Variants in NRG1 observed in about 807,000 individuals in gnomAD.
NRG1 encodes neuregulin 1.
Under a neutral mutation model 63.8 loss-of-function variants are expected in NRG1, and 18 were observed. That is an observed-to-expected ratio of 0.28 (90% CI 0.19 to 0.42). The LOEUF (loss-of-function observed/expected upper bound fraction) is 0.42, where lower values mean the gene tolerates loss of function less well. Among genes scored for constraint, NRG1 ranks in the 10% least tolerant of loss-of-function variants. NRG1 has a pLI of 1.00. For missense variants in NRG1, 762 were observed against 814.7 expected, an observed-to-expected ratio of 0.94 and a Z score of 0.79; for synonymous variants, 302 against 301.3, an observed-to-expected ratio of 1.00 and a Z score of -0.02.
intron 1 of NRG1, among the ~76,000 whole-genome samples, chr8:32,292,249 T>C (rs1379615212): frequency 6.6e-6 from 1 of 152,192 alleles, no homozygotes; most frequent in African/African-American, 2.4e-5. Flanking sequence ...TTCAATCCTT[T>C]CAAAAGGCTT....
intron 1 of NRG1, among the ~76,000 whole-genome samples, chr8:31,835,046 G>C (rs1318574937): frequency 6.6e-6 from 1 of 152,136 alleles, no homozygotes; most frequent in Non-Finnish European, 1.5e-5. Context: ...AGTTAATACT[G>C]ATGCCATGAG....
At chr8:32,008,884 G>A (rs577466164) in intron 1 of NRG1, among the ~76,000 whole-genome samples, 1 of 152,130 alleles carries the variant, frequency 6.6e-6, no homozygotes, top group South Asian at 2.1e-4. Flanking sequence ...CTGTCATAAT[G>A]TCAGAGAAGC....
chr8:32,546,279 A>G (rs527495839), upstream of NRG1, among the ~76,000 whole-genome samples: 1 of 151,544 alleles, frequency 6.6e-6, no homozygotes, highest in Admixed American at 6.6e-5. Flanking sequence ...CAGAATTACA[A>G]CATTTCCATA....
intron 1 of NRG1, among the ~76,000 whole-genome samples, chr8:32,446,299 G>A (rs1820237604): frequency 1.3e-5 from 2 of 152,134 alleles, no homozygotes; most frequent in Middle Eastern, 3.4e-3. Context: ...TTTTCATTAC[G>A]CTTGTGGATT....
chr8:32,091,312 AT>A (rs1446063696), intron 1 of NRG1, among the ~76,000 whole-genome samples: 1 of 151,568 alleles, frequency 6.6e-6, no homozygotes, highest in Admixed American at 6.6e-5. Flanking sequence ...GGATGAGGTG[AT>A]TTATGTAATT....
chr8:31,878,898 T>C (rs1467309601), intron 1 of NRG1, among the ~76,000 whole-genome samples: 2 of 152,002 alleles, frequency 1.3e-5, no homozygotes, highest in Non-Finnish European at 2.9e-5. Context: ...TATAATCTTA[T>C]GTAATGTCAT....
chr8:31,885,414 T>C (rs1433625403), intron 1 of NRG1, among the ~76,000 whole-genome samples: 4 of 152,070 alleles, frequency 2.6e-5, no homozygotes, highest in Non-Finnish European at 5.9e-5. Context: ...TTAGAATCAC[T>C]GTTGAAAGAA....
At chr8:31,671,040 A>C (rs1028701914) in intron 1 of NRG1, among the ~76,000 whole-genome samples, 1 of 152,182 alleles carries the variant, frequency 6.6e-6, no homozygotes, top group Admixed American at 6.5e-5. Flanking sequence ...TCCCACTTAT[A>C]AGTGAGAACA....
intron 1 of NRG1, among the ~76,000 whole-genome samples, chr8:32,252,500 G>T (rs570879922): frequency 6.6e-6 from 1 of 152,128 alleles, no homozygotes; most frequent in Admixed American, 6.5e-5. Context: ...AAATCAGATA[G>T]TTGTAGATGT....
chr8:32,722,068 T>A (rs1456871787), intron 5 of NRG1: 1 of 1,495,176 alleles, frequency 6.7e-7, no homozygotes, highest in Non-Finnish European at 9.1e-7. Flanking sequence ...ATCTGTAATT[T>A]TGTAGTGACT....
At chr8:32,755,629 G>A (rs985035667) in intron 8 of NRG1, among the ~76,000 whole-genome samples, 15 of 152,092 alleles carry the variant, frequency 9.9e-5, no homozygotes, top group African/African-American at 2.2e-4. Context: ...ACATTCTCAC[G>A]CGTATACATG....
intron 1 of NRG1, among the ~76,000 whole-genome samples, chr8:31,743,409 T>C (rs181436008): frequency 1.3e-5 from 2 of 152,136 alleles, no homozygotes; most frequent in African/African-American, 2.4e-5. Context: ...ATAAGAACTA[T>C]ATAATAGTTA....
intron 1 of NRG1, among the ~76,000 whole-genome samples, chr8:32,197,141 A>C (rs1240973073): frequency 1.3e-5 from 2 of 151,112 alleles, no homozygotes; most frequent in Non-Finnish European, 3.0e-5. Context: ...TGTATTTTTT[A>C]GTACAAAATG....
At chr8:32,700,748 T>C (rs796247369) in intron 5 of NRG1, among the ~76,000 whole-genome samples, 4 of 152,368 alleles carry the variant, frequency 2.6e-5, no homozygotes, top group African/African-American at 9.6e-5. Context: ...TAAGATAGTA[T>C]ATGTAATTCA....
chr8:32,161,165 T>A (rs1838784579), intron 1 of NRG1, among the ~76,000 whole-genome samples: 1 of 152,184 alleles, frequency 6.6e-6, no homozygotes, highest in Admixed American at 6.5e-5. Flanking sequence ...TTAAGCATTG[T>A]TTTCTTAGAA....
At chr8:32,752,640 A>T (rs2129051028) in intron 7 of NRG1, among the ~76,000 whole-genome samples, 1 of 152,214 alleles carries the variant, frequency 6.6e-6, no homozygotes, top group Admixed American at 6.5e-5. Context: ...AGTATCAGGC[A>T]TGCTGTGCCA....
intron 1 of NRG1, among the ~76,000 whole-genome samples, chr8:31,854,997 T>C (rs1248327503): frequency 1.3e-5 from 2 of 152,206 alleles, no homozygotes; most frequent in Non-Finnish European, 2.9e-5. Context: ...TAATTTCTGT[T>C]CTTTTACATT....
intron 1 of NRG1, among the ~76,000 whole-genome samples, chr8:31,739,080 C>T (rs1814994218): frequency 6.6e-6 from 1 of 152,072 alleles, no homozygotes; most frequent in African/African-American, 2.4e-5. Context: ...ACGTAAGATG[C>T]ACCAACATAG....
At chr8:31,941,688 G>A (rs1801774959) in intron 1 of NRG1, among the ~76,000 whole-genome samples, 1 of 152,108 alleles carries the variant, frequency 6.6e-6, no homozygotes, top group Non-Finnish European at 1.5e-5. Context: ...AATGAATTCA[G>A]CAAAGTTTCA....
Sources: allele counts gnomAD v4.1 joint callset (sites outside exome capture counted in the v4.1 genomes callset), GRCh38; gene constraint gnomAD v4.1.1; transcripts MANE v1.5; gene names NCBI Gene and HGNC (gene_info 2026-07-23, HGNC 2026-07-21).